The following DOP1A variants were observed in gnomAD, a reference collection of about 807,000 sequenced individuals.
DOP1A encodes the protein DOP1 leucine zipper like protein A, also known as protein DOP1A.
A neutral mutation model predicts 267.6 loss-of-function variants in DOP1A; 90 were observed. The ratio of observed to expected loss-of-function variants is 0.34; its 90% CI spans 0.28 to 0.40. The LOEUF is 0.40. Ranked by LOEUF, DOP1A falls within the 10% of genes least tolerant of loss-of-function variation. DOP1A has a pLI of 1.00. For missense variants in DOP1A, 2,437 were observed against 2,900.4 expected (o/e 0.84, Z 3.67); for synonymous variants, 932 against 999.1 (o/e 0.93, Z 1.27).
intron 6 of DOP1A, among the ~76,000 whole-genome samples, chr6:83,112,663 C>G (rs1009693784): frequency 6.6e-6 from 1 of 152,130 alleles, no homozygotes; most frequent in Non-Finnish European, 1.5e-5. Context: ...CAGGGTTTCA[C>G]CATGTTGGCC....
At chr6:83,123,104 C>A in intron 12 of DOP1A, 122 bp downstream of exon 12, 1 of 1,086,452 alleles carries the variant, frequency 9.2e-7, no homozygotes, top group Non-Finnish European at 1.3e-6. Flanking sequence ...ATAACTGTTA[C>A]TTACTATCCA....
At chr6:83,106,400 C>T (rs1402153398) in intron 4 of DOP1A, among the ~76,000 whole-genome samples, 1 of 152,026 alleles carries the variant, frequency 6.6e-6, no homozygotes, top group Non-Finnish European at 1.5e-5. Context: ...TACCTAGGTA[C>T]ATTGTAAATA....
intron 7 of DOP1A, among the ~76,000 whole-genome samples, chr6:83,118,301 T>A (rs1317514188): frequency 1.3e-5 from 2 of 151,952 alleles, no homozygotes; most frequent in Admixed American, 6.5e-5. Flanking sequence ...TTTTTAAACG[T>A]TGAATTAAGG....
At chr6:83,077,034 A>G (rs1321534636) in intron 1 of DOP1A, among the ~76,000 whole-genome samples, 4 of 152,232 alleles carry the variant, frequency 2.6e-5, no homozygotes. Context: ...GACCCATACA[A>G]TATGGTTCCC....
rs141256134 is a variant in DOP1A, at chr6:83,119,247, A to G, written c.880+260A>G. ...GATGTTTTTCCCCTTACAAATTGAG[A>G]TGGTTGTATATAAGTTAGTAGGCAA... On this transcript the variant is annotated intron_variant, in intron 8 of 38. Coordinates refer to ENST00000349129, the MANE Select transcript of DOP1A (RefSeq NM_015018.4). Among the ~76,000 whole-genome samples, 214 of 152,170 alleles carry G rather than the reference A, an allele frequency of 1.4e-3. No individual in the cohort carries two copies. Among genetic ancestry groups the G allele is most frequent in the Non-Finnish European group, 2.6e-3 (175 of 67,930 alleles).
At chr6:83,145,916 G>C (rs1165564090) in intron 25 of DOP1A, among the ~76,000 whole-genome samples, 2 of 152,174 alleles carry the variant, frequency 1.3e-5, no homozygotes, top group African/African-American at 4.8e-5. Flanking sequence ...GGGACCATGT[G>C]ACTAAATTCT....
Position 83,147,302 on chromosome 6 carries a change from T to C in DOP1A, c.5732+11T>C. 7.0e-7 allele frequency: 1 copy of C among 1,434,616 alleles called. No homozygotes were observed. Among genetic ancestry groups the C allele is most frequent in the Middle Eastern group, 1.8e-4 (1 of 5,542 alleles). 88.9% of individuals were successfully genotyped at this position (1,434,616 alleles called of 1,614,324 possible). The stretch of plus-strand genomic sequence containing the variant: ...TGCTTATATTCAAAGGTAAGATTAC[T>C]GATATTGATCTGTCCTTACTATGTT... On this transcript the variant is annotated intron_variant, in intron 26 of 38. Coordinates refer to ENST00000349129, the MANE Select transcript of DOP1A (RefSeq NM_015018.4).
chr6:83,139,244 T>G, intron 21 of DOP1A, 82 bp downstream of exon 21: 1 of 1,086,124 alleles, frequency 9.2e-7, no homozygotes, highest in South Asian at 1.5e-5. Flanking sequence ...TGGTCACAAC[T>G]TGAGTAAATA....
intron 1 of DOP1A, among the ~76,000 whole-genome samples, chr6:83,070,086 C>T (rs1020355945): frequency 1.3e-5 from 2 of 152,124 alleles, no homozygotes; most frequent in African/African-American, 2.4e-5. Flanking sequence ...TAGTACACCA[C>T]CAGTGTGGAT....
At position 83,119,853 on chromosome 6, in the gene DOP1A, T is replaced by A; in HGVS notation, c.986T>A (p.Val329Asp). Residue 329 changes from valine (V) to aspartate (D), a missense_variant, in exon 9 of 39, where the codon GTC becomes GAC. Transcript: ENST00000349129. ...ACTACCTTTTCAAAAGAATTATTAG[T>A]CCAGGTAATGAATACTTTTATTATT... ...YFTTFSKELLVQAMVGILQVN... is the reference protein window; with the variant it reads ...YFTTFSKELLDQAMVGILQVN... 6.2e-7 allele frequency: 1 copy of A among 1,607,228 alleles called. No individual in the cohort carries two copies. The highest frequency in any genetic ancestry group is 8.5e-7 in the Non-Finnish European group (1 of 1,174,248).
chr6:83,165,792 T>C (rs968675066), intron 38 of DOP1A: 3 of 289,648 alleles, frequency 1.0e-5, no homozygotes, highest in Non-Finnish European at 2.1e-5. Flanking sequence ...CCCAGTGTTG[T>C]CGTGAAAAGA....
intron 1 of DOP1A, among the ~76,000 whole-genome samples, chr6:83,084,876 C>A (rs1582873973): frequency 6.6e-6 from 1 of 152,070 alleles, no homozygotes; most frequent in East Asian, 1.9e-4. Flanking sequence ...CAAGCATGAG[C>A]CACTGCACCC....
chr6:83,166,276 G>C (rs1218840327), intron 38 of DOP1A: 1 of 574,136 alleles, frequency 1.7e-6, no homozygotes, highest in Non-Finnish European at 3.1e-6. Flanking sequence ...ATAGTTGTAA[G>C]AGGATCAGCT....
chr6:83,137,145 T>C (rs1778989779), intron 20 of DOP1A, 28 bp from the exon 21 acceptor site: 1 of 1,503,694 alleles, frequency 6.7e-7, no homozygotes, highest in Admixed American at 2.3e-5. Context: ...TGTATTTTTC[T>C]TCTTTTACTG....
intron 27 of DOP1A, 56 bp from the exon 28 acceptor site, chr6:83,151,537 A>G (rs1314285073): frequency 7.1e-7 from 1 of 1,415,432 alleles, no homozygotes; most frequent in Non-Finnish European, 9.7e-7. Context: ...ATTAGATCGC[A>G]TTAGTTTCTT....
At chr6:83,169,010 C>A, downstream of DOP1A, 1 of 1,337,038 alleles carries the variant, frequency 7.5e-7, no homozygotes. Context: ...CAGTATTTTA[C>A]ATTAGTGAGA....
intron 11 of DOP1A, 39 bp downstream of exon 11, chr6:83,122,089 A>C (rs1196014698): frequency 1.9e-6 from 3 of 1,596,304 alleles, no homozygotes; most frequent in Non-Finnish European, 2.6e-6. Context: ...TGAAGACATA[A>C]TATGTATTCA....
chr6:83,142,513 A>C (rs1235808182), intron 24 of DOP1A, among the ~76,000 whole-genome samples: 1 of 152,144 alleles, frequency 6.6e-6, no homozygotes, highest in Non-Finnish European at 1.5e-5. Flanking sequence ...TCCTCAAAAA[A>C]TAAATAAATA....
rs967630151 is a variant in DOP1A at position 83,076,841 on chromosome 6, G to A, written c.-147+9062G>A. On this transcript the variant is annotated intron_variant, in intron 1 of 38. Transcript: ENST00000349129. ...ACCCATGTTGATAGCAGCACTACTC[G>A]TGATAATCAAGAGGTAGAAACAACC... Among the ~76,000 whole-genome samples the A allele has an allele frequency of 3.3e-5, 5 of 152,182 alleles. No individual in the cohort carries two copies. In the East Asian group the frequency reaches 7.7e-4, roughly 23 times the overall value.
Sources: allele counts gnomAD v4.1 joint callset (sites outside exome capture counted in the v4.1 genomes callset), GRCh38; gene constraint gnomAD v4.1.1; transcripts MANE v1.5; gene names NCBI Gene and HGNC (gene_info 2026-07-23, HGNC 2026-07-21).